Variants in ISL1 observed in about 807,000 individuals in gnomAD.
ISL1 encodes the protein insulin gene enhancer protein ISL-1.
ISL1 carries 4 observed loss-of-function variants against 35.3 expected under a neutral mutation model. That is an observed-to-expected ratio of 0.11 (90% CI 0.06 to 0.26). The LOEUF is 0.26. Among genes scored for constraint, ISL1 ranks in the 10% least tolerant of loss-of-function variants. The pLI is 1.00. For synonymous variants in ISL1, 186 were observed against 172.3 expected (o/e 1.08, Z -0.62); for missense variants, 340 against 472.8 (o/e 0.72, Z 2.60).
chr5:51,393,460 G>C (rs545776043), intron 5 of ISL1, 34 bp from the exon 6 acceptor site: 1 of 1,126,276 alleles, frequency 8.9e-7, no homozygotes, highest in South Asian at 1.2e-5. Flanking sequence ...TACTATTCCA[G>C]TGTCCTTTAT....
chr5:51,390,940 G>A (rs1747499509), intron 4 of ISL1, among the ~76,000 whole-genome samples: 1 of 151,876 alleles, frequency 6.6e-6, no homozygotes. Context: ...GCTTACCTCA[G>A]CTTTTTAGTT....
chr5:51,384,514 T>G, intron 1 of ISL1, 27 bp from the exon 2 acceptor site: 1 of 1,606,448 alleles, frequency 6.2e-7, no homozygotes, highest in Non-Finnish European at 8.5e-7. Context: ...AAACGGTTAG[T>G]CAATCATGTA....
rs1474110808 is a variant in ISL1, at chr5:51,387,671, G to A, written c.400G>A (p.Asp134Asn). Reference sequence around the variant, plus strand: ...CGGTCTCTTCTGCCGAGCAGACCACGATGTGGTGGAGAGGGCCAGTCTAGG... The same window carrying A: ...CGGTCTCTTCTGCCGAGCAGACCACAATGTGGTGGAGAGGGCCAGTCTAGG... ...EDGLFCRADH[D>N]VVERASLGAG... Residue 134 changes from aspartate (D) to asparagine (N), a missense_variant, in exon 3 of 6, where the codon GAT (aspartate) becomes AAT (asparagine). Asp to Asn is a conservative substitution (Grantham distance 23). Around this residue, in one of 7 missense-constraint regions of ISL1, gnomAD observed 94 missense variants for 102.1 expected, o/e 0.92. Coordinates refer to ENST00000230658, the MANE Select transcript of ISL1 (RefSeq NM_002202.3). The surrounding 1 kb of genome is among the most constrained non-coding windows in gnomAD (Gnocchi z 4.3). 5 of 1,614,112 alleles carry A rather than the reference G, an allele frequency of 3.1e-6. No individual in the cohort carries two copies. The South Asian group carries it at 4.4e-5, about 14-fold the overall frequency.
chr5:51,391,436 C>A lies in ISL1; in HGVS notation c.928C>A (p.Gln310Lys). The stretch of plus-strand genomic sequence containing the variant: ...TGACATAGATCAGCCTGCTTTTCAG[C>A]AACTGGTAAGTGTCAGCTCCCAGAT... ...QSDIDQPAFQ[Q>K]LVNFSEGGPG... Residue 310 changes from glutamine (Q) to lysine (K), a missense_variant, in exon 5 of 6, where the codon CAA becomes AAA. Transcript: ENST00000230658. 1.2e-6 allele frequency: 2 copies of A among 1,614,130 alleles called. No homozygotes were observed. Among genetic ancestry groups the A allele is most frequent in the Non-Finnish European group, 1.7e-6 (2 of 1,180,010 alleles).
At chr5:51,383,761 G>GCCTGT in intron 1 of ISL1, 62 bp downstream of exon 1, 13 of 1,429,062 alleles carry the variant, frequency 9.1e-6, no homozygotes, top group Non-Finnish European at 1.3e-5. Flanking sequence ...TTCTCTCTCA[G>GCCTGT]GCACAGGCTG....
rs1327812904 is a variant in ISL1 at position 51,394,450 on chromosome 5, A to G, written c.*840A>G. ...TCTCTATGGAAATAAAAAGGAAAAAAAAAAAGGAAACTTTTTTTGTTTGCT... is the reference window on the plus strand; with the variant it reads ...TCTCTATGGAAATAAAAAGGAAAAAGAAAAAGGAAACTTTTTTTGTTTGCT... On this transcript the variant is annotated 3_prime_UTR_variant, in exon 6 of 6. Coordinates refer to ENST00000230658, the MANE Select transcript of ISL1 (RefSeq NM_002202.3). 1.3e-5 allele frequency: 2 copies of G among 152,402 alleles called. No individual in the cohort carries two copies. Among genetic ancestry groups the G allele is most frequent in the Admixed American group, 1.3e-4 (2 of 15,258 alleles). The allele number at this position is 152,402 out of a possible 1,614,324, so 9.4% of individuals were successfully genotyped here.
chr5:51,383,746 C>CG, intron 1 of ISL1, 47 bp downstream of exon 1: 1 of 1,543,502 alleles, frequency 6.5e-7, no homozygotes, highest in Non-Finnish European at 9.0e-7. Context: ...TGTTCTTGTG[C>CG]GGGGTTCTCT....
intron 5 of ISL1, 80 bp from the exon 6 acceptor site, chr5:51,393,413 CA>C: frequency 1.2e-6 from 1 of 826,266 alleles, no homozygotes; most frequent in Non-Finnish European, 2.1e-6. Context: ...AACATTTCTA[CA>C]TATACAATAT....
chr5:51,389,576 AGCGCGCGACC>A lies in ISL1; in HGVS notation c.479-66_479-57del. 7.5e-7 allele frequency: 1 copy of A among 1,338,388 alleles called. No homozygotes were observed. The highest frequency in any genetic ancestry group is 9.6e-7 in the Non-Finnish European group (1 of 1,042,526). The allele number at this position is 1,338,388 out of a possible 1,614,324, so 82.9% of individuals were successfully genotyped here. On this transcript the variant is annotated intron_variant, in intron 3 of 5. Transcript: ENST00000230658. This position sits in a 1 kb window ranked among gnomAD's most constrained non-coding sequence, Gnocchi z 5.0. The stretch of plus-strand genomic sequence containing the variant: ...GGGCGGGCAAGCGAGCGAGCGAGCG[AGCGCGCGACC>A]GCGGGCGGGCCGGCAAGCGAGCCTC...
chr5:51,385,048 AG>A (rs1387876516), intron 2 of ISL1, among the ~76,000 whole-genome samples: 4 of 152,202 alleles, frequency 2.6e-5, no homozygotes, highest in African/African-American at 9.6e-5. Flanking sequence ...AATTTTAAAA[AG>A]ATGGAGAAGT....
chr5:51,388,836 C>G (rs1215310379), intron 3 of ISL1, among the ~76,000 whole-genome samples: 1 of 152,074 alleles, frequency 6.6e-6, no homozygotes, highest in Non-Finnish European at 1.5e-5. Flanking sequence ...TGGGGAAGCA[C>G]AGAGGAAGCT....
rs765950379 is a variant in ISL1, at chr5:51,389,117, G to A, written c.479-529G>A. ...CTTCCCCTTGCAGAAGTCCCTGCTG[G>A]TGTAGTATTTATGGCTGTCACTGAA... is the stretch of plus-strand genomic sequence containing the variant. On this transcript the variant is annotated intron_variant, in intron 3 of 5. Transcript: ENST00000230658. The surrounding 1 kb of genome is among the most constrained non-coding windows in gnomAD (Gnocchi z 5.0). 1.3e-5 allele frequency among the ~76,000 whole-genome samples: 2 copies of A among 152,142 alleles called. No individual in the cohort carries two copies. Among genetic ancestry groups the A allele is most frequent in the Non-Finnish European group, 2.9e-5 (2 of 68,048 alleles).
intron 2 of ISL1, 138 bp downstream of exon 2, chr5:51,384,868 A>G (rs1056910531): frequency 5.0e-6 from 4 of 796,330 alleles, no homozygotes; most frequent in Admixed American, 3.9e-5. Flanking sequence ...TACCCTGTAC[A>G]TGTGTTAAAA....
intron 4 of ISL1, among the ~76,000 whole-genome samples, chr5:51,390,636 C>CTTTTTGTTTTTTTTT (rs1216503548): frequency 1.3e-5 from 1 of 74,328 alleles, no homozygotes; most frequent in Non-Finnish European, 2.8e-5. Context: ...TCTTTTCTTT[C>CTTTTTGTTTTTTTTT]TTTTTCTTTT....
At chr5:51,391,057 C>G (rs533208667) in intron 4 of ISL1, among the ~76,000 whole-genome samples, 1 of 151,954 alleles carries the variant, frequency 6.6e-6, no homozygotes, top group East Asian at 1.9e-4. Flanking sequence ...AAGGTCCATG[C>G]AGACCTAATA....
chr5:51,394,145 AG>A lies in ISL1; in HGVS notation c.*539del, dbSNP rs563953598. 3.8e-5 allele frequency: 6 copies of A among 158,440 alleles called. No individual in the cohort carries two copies. The South Asian group carries it at 1.1e-3, about 30-fold the overall frequency. The allele number at this position is 158,440 out of a possible 1,614,324, so 9.8% of individuals were successfully genotyped here. ...GATATGTTTAAAGTTGACTTTAACA[AG>A]GGGTTAATTGAAATCCTGGGTCTCT... On this transcript the variant is annotated 3_prime_UTR_variant, in exon 6 of 6. Coordinates refer to ENST00000230658, the MANE Select transcript of ISL1 (RefSeq NM_002202.3).
chr5:51,386,728 C>T, intron 2 of ISL1: 1 of 419,770 alleles, frequency 2.4e-6, no homozygotes. Context: ...GTAGATGATT[C>T]AGCAACTTGA....
chr5:51,386,514 C>G, intron 2 of ISL1: 3 of 449,090 alleles, frequency 6.7e-6, no homozygotes, highest in South Asian at 4.8e-5. Context: ...ATCTTTTCCT[C>G]TCTCTTCCAT....
chr5:51,386,376 C>CTGTGTGTGTGTGTGTGTG (rs3138746), intron 2 of ISL1: 4 of 257,206 alleles, frequency 1.6e-5, no homozygotes, highest in African/African-American at 7.0e-5. Flanking sequence ...TCTCTCAACT[C>CTGTGTGTGTGTGTGTGTG]TGTGTGTGTG....
Sources: gnomAD v4.1 joint callset for allele counts (sites outside exome capture counted in the v4.1 genomes callset) on GRCh38, gnomAD v4.1.1 for gene constraint, gnomAD v4.1.1 regional missense constraint, Gnocchi (gnomAD v3.1) non-coding constraint, MANE v1.5 for transcripts, NCBI Gene and HGNC (gene_info 2026-07-23, HGNC 2026-07-21) for gene names.